The following HSF2BP variants were observed in gnomAD, a reference collection of about 807,000 sequenced individuals.
HSF2BP encodes the protein heat shock transcription factor 2 binding protein.
In HSF2BP, 35 loss-of-function variants were observed where a neutral mutation model predicts 35.0. The observed-to-expected ratio is 1.00, with a 90% CI of 0.76 to 1.32. HSF2BP has a LOEUF of 1.32. Ranked by LOEUF, HSF2BP falls within the 40% of genes most tolerant of loss-of-function variation. The probability of loss-of-function intolerance (pLI) is 0.00; values close to 1 mark genes in which losing one functional copy is unlikely to be tolerated. For missense variants in HSF2BP, 326 were observed against 321.7 expected (o/e 1.01, Z -0.10); for synonymous variants, 114 against 117.4 (o/e 0.97, Z 0.18).
Position 43,585,037 on chromosome 21 carries a change from T to A in HSF2BP, c.796+7188A>T, listed in dbSNP as rs1038714924. Among the ~76,000 whole-genome samples the A allele has an allele frequency of 2.0e-5, 3 of 152,036 alleles. No homozygotes were observed. In the South Asian group the frequency reaches 6.2e-4, roughly 32 times the overall value. ...TTATTTATTTTGCGGCCAGGAACAGTGGCCCACACCTGTAATCCCAGCACT... is the reference window on the plus strand; with the variant it reads ...TTATTTATTTTGCGGCCAGGAACAGAGGCCCACACCTGTAATCCCAGCACT... On this transcript the variant is annotated intron_variant, in intron 8 of 8. Transcript: ENST00000291560.
At chr21:43,595,084 A>C (rs1033634131) in intron 7 of HSF2BP, among the ~76,000 whole-genome samples, 6 of 151,962 alleles carry the variant, frequency 3.9e-5, no homozygotes, top group African/African-American at 1.5e-4. Context: ...AACATGGCAA[A>C]ACCCTGTCTC....
At chr21:43,606,697 A>AAGAT (rs1384116994) in intron 7 of HSF2BP, among the ~76,000 whole-genome samples, 1 of 152,186 alleles carries the variant, frequency 6.6e-6, no homozygotes, top group Non-Finnish European at 1.5e-5. Flanking sequence ...CAAGTCATTC[A>AAGAT]AGATAGCAGG....
intron 6 of HSF2BP, among the ~76,000 whole-genome samples, chr21:43,627,918 G>A (rs2082408915): frequency 6.6e-6 from 1 of 151,940 alleles, no homozygotes; most frequent in East Asian, 1.9e-4. Context: ...ATCTGTTATG[G>A]TCATCTGTGA....
intron 8 of HSF2BP, among the ~76,000 whole-genome samples, chr21:43,574,389 G>A (rs932103402): frequency 6.0e-5 from 9 of 150,374 alleles, no homozygotes; most frequent in African/African-American, 2.2e-4. Context: ...ACGGAGTCTC[G>A]CTCTGTCGCC....
At chr21:43,639,978 G>A (rs184441425) in intron 4 of HSF2BP, among the ~76,000 whole-genome samples, 53 of 152,204 alleles carry the variant, frequency 3.5e-4, no homozygotes, top group Non-Finnish European at 5.4e-4. Flanking sequence ...AATATCTAAC[G>A]ATACATGCAA....
At chr21:43,601,683 G>A (rs2082054245) in intron 7 of HSF2BP, among the ~76,000 whole-genome samples, 1 of 152,126 alleles carries the variant, frequency 6.6e-6, no homozygotes, top group Non-Finnish European at 1.5e-5. Flanking sequence ...GTAGCTGAAA[G>A]CTGTACCACC....
At chr21:43,626,977 C>T (rs2082398105) in intron 6 of HSF2BP, among the ~76,000 whole-genome samples, 1 of 152,072 alleles carries the variant, frequency 6.6e-6, no homozygotes, top group Non-Finnish European at 1.5e-5. Context: ...AAGCAATTCT[C>T]CTGCCTCAGC....
rs920882117 is a variant in HSF2BP at position 43,647,263 on chromosome 21, G to A, written c.188-2871C>T. On this transcript the variant is annotated intron_variant, in intron 3 of 8. Coordinates refer to ENST00000291560, the MANE Select transcript of HSF2BP (RefSeq NM_007031.2). ...CAACAATTTTTTTTTTCCCCGAGAC[G>A]GTGTCTCTCTGTCAGTGCAGTGGCA... is the stretch of plus-strand genomic sequence containing the variant. Among the ~76,000 whole-genome samples, 8 of 151,430 alleles carry A rather than the reference G, an allele frequency of 5.3e-5. No individual in the cohort carries two copies. In the South Asian group the frequency reaches 8.4e-4, roughly 16 times the overall value.
At chr21:43,641,696 C>G (rs1200885451) in intron 4 of HSF2BP, among the ~76,000 whole-genome samples, 1 of 151,978 alleles carries the variant, frequency 6.6e-6, no homozygotes, top group Non-Finnish European at 1.5e-5. Context: ...GCCTGTAAAC[C>G]CAGCACTTTG....
chr21:43,627,552 A>C (rs189593447), intron 6 of HSF2BP, among the ~76,000 whole-genome samples: 9 of 152,298 alleles, frequency 5.9e-5, no homozygotes, highest in Admixed American at 4.6e-4. Context: ...ATTTTCCAAA[A>C]TAAACATACC....
intron 2 of HSF2BP, chr21:43,657,852 G>A: frequency 1.0e-6 from 1 of 985,468 alleles, no homozygotes; most frequent in Non-Finnish European, 1.2e-6. Context: ...CACAGACCGG[G>A]TCCCCGCGTG....
chr21:43,619,821 T>C (rs1209609667), intron 6 of HSF2BP, among the ~76,000 whole-genome samples: 1 of 152,198 alleles, frequency 6.6e-6, no homozygotes, highest in African/African-American at 2.4e-5. Context: ...AACGCTGCTC[T>C]GTAACTTGGC....
chr21:43,467,886 C>G, the HSF2BP span, among the ~76,000 whole-genome samples: 1 of 124,004 alleles, frequency 8.1e-6, no homozygotes, highest in Non-Finnish European at 1.8e-5. Flanking sequence ...ACACCACACA[C>G]ACCACACACC....
At chr21:43,620,161 T>C (rs889287536) in intron 6 of HSF2BP, among the ~76,000 whole-genome samples, 16 of 152,090 alleles carry the variant, frequency 1.1e-4, no homozygotes, top group African/African-American at 3.4e-4. Flanking sequence ...CTGGAATAAA[T>C]ACTCTTTCAA....
At chr21:43,633,892 C>T (rs1210996185) in intron 4 of HSF2BP, among the ~76,000 whole-genome samples, 1 of 152,206 alleles carries the variant, frequency 6.6e-6, no homozygotes, top group Admixed American at 6.5e-5. Flanking sequence ...GGCACTTGGA[C>T]ATCAGGATTT....
chr21:43,467,885 ACACCACACACCACACACACG>A, the HSF2BP span, among the ~76,000 whole-genome samples: 9 of 117,670 alleles, frequency 7.6e-5, no homozygotes, highest in African/African-American at 1.6e-4. Context: ...CACACCACAC[ACACCACACACCACACACACG>A]CACCACACAC....
At chr21:43,622,528 C>A (rs933156632) in intron 6 of HSF2BP, among the ~76,000 whole-genome samples, 1 of 152,052 alleles carries the variant, frequency 6.6e-6, no homozygotes, top group Non-Finnish European at 1.5e-5. Context: ...GTAGCTACAT[C>A]TATATCAGAC....
chr21:43,613,977 GATC>G, intron 6 of HSF2BP, 30 bp from the exon 7 acceptor site: 13 of 1,469,642 alleles, frequency 8.8e-6, no homozygotes, highest in Non-Finnish European at 1.2e-5. Flanking sequence ...AAAACATCAA[GATC>G]ATTATGACTC....
In HSF2BP at chr21:43,633,403, G is replaced by T. The variant is rs751722515; in HGVS notation, c.310C>A (p.Gln104Lys). Residue 104 changes from glutamine (Q) to lysine (K), a missense_variant, in exon 5 of 9, where the codon CAG becomes AAG. By Grantham distance (53) the Gln-to-Lys change is moderately conservative. Coordinates refer to ENST00000291560, the MANE Select transcript of HSF2BP (RefSeq NM_007031.2). ...REKKEKLALR[Q>K]QLNEAKQQLL... The stretch of plus-strand genomic sequence containing the variant: ...TGCTGCTTCGCTTCATTCAACTGCT[G>T]TCGAAGAGCCAGTTTCTCCTAAAAG... 5 of 1,609,714 alleles carry T rather than the reference G, an allele frequency of 3.1e-6. No individual in the cohort carries two copies. The highest frequency in any genetic ancestry group is 1.1e-5 in the South Asian group (1 of 89,798).
Sources: gnomAD v4.1 joint callset for allele counts (sites outside exome capture counted in the v4.1 genomes callset) on GRCh38, gnomAD v4.1.1 for gene constraint, MANE v1.5 for transcripts, NCBI Gene and HGNC (gene_info 2026-07-23, HGNC 2026-07-21) for gene names.